FHIT: variants seen among roughly 807,000 people sequenced by gnomAD.
FHIT encodes fragile histidine triad diadenosine triphosphatase, also known as bis(5'-adenosyl)-triphosphatase.
In FHIT, 19 loss-of-function variants were observed where a neutral mutation model predicts 17.9. The ratio of observed to expected loss-of-function variants is 1.06; its 90% CI spans 0.74 to 1.56. The LOEUF (loss-of-function observed/expected upper bound fraction) is 1.56. Among genes scored for constraint, FHIT ranks in the 40% most tolerant of loss-of-function variants. FHIT has a pLI of 0.00. For synonymous variants in FHIT, 81 were observed against 69.7 expected (o/e 1.16, Z -0.81); for missense variants, 248 against 189.2 (o/e 1.31, Z -1.82).
chr3:60,493,084 G>C (rs2034135772), intron 5 of FHIT, among the ~76,000 whole-genome samples: 1 of 152,070 alleles, frequency 6.6e-6, no homozygotes, highest in African/African-American at 2.4e-5. Context: ...CAGAGAAAAT[G>C]GTTCTTACTT....
At chr3:60,133,931 A>G (rs1699702413) in intron 5 of FHIT, among the ~76,000 whole-genome samples, 1 of 151,984 alleles carries the variant, frequency 6.6e-6, no homozygotes, top group Non-Finnish European at 1.5e-5. Flanking sequence ...CATTCAATCT[A>G]AAATCAGACT....
intron 3 of FHIT, among the ~76,000 whole-genome samples, chr3:60,859,530 G>GTACA (rs1441405328): frequency 1.3e-5 from 2 of 151,802 alleles, no homozygotes; most frequent in Non-Finnish European, 2.9e-5. Flanking sequence ...CAGAAGTGAT[G>GTACA]TACACCCTTT....
intron 8 of FHIT, among the ~76,000 whole-genome samples, chr3:59,885,144 A>G (rs1703565957): frequency 6.6e-6 from 1 of 152,242 alleles, no homozygotes; most frequent in African/African-American, 2.4e-5. Flanking sequence ...AAGAAAGCTC[A>G]TCAGTTTGCT....
Position 60,297,568 on chromosome 3 carries a change from G to A in FHIT, c.103+239292C>T, listed in dbSNP as rs578057015. On this transcript the variant is annotated intron_variant, in intron 5 of 9. Transcript: ENST00000492590. Reference sequence around the variant, plus strand: ...TTTTCTAGGTATGACTTACAAGGAAGTCACCTGCAAAAAAAAGGCTAGTTT... The same window carrying A: ...TTTTCTAGGTATGACTTACAAGGAAATCACCTGCAAAAAAAAGGCTAGTTT... 2.2e-4 allele frequency among the ~76,000 whole-genome samples: 30 copies of A among 137,900 alleles called. No individual in the cohort carries two copies. In the East Asian group the frequency reaches 0.01, roughly 47 times the overall value. The allele number at this position is 137,900 out of a possible 152,430, so 90.5% of individuals were successfully genotyped here.
At chr3:59,994,120 A>G (rs1344148052) in intron 7 of FHIT, among the ~76,000 whole-genome samples, 2 of 152,092 alleles carry the variant, frequency 1.3e-5, no homozygotes, top group Non-Finnish European at 2.9e-5. Context: ...AGGAAGAAGC[A>G]GAGCAATATT....
At chr3:60,096,328 G>A (rs896948014) in intron 5 of FHIT, among the ~76,000 whole-genome samples, 1 of 152,184 alleles carries the variant, frequency 6.6e-6, no homozygotes, top group African/African-American at 2.4e-5. Context: ...CAATTTGTCT[G>A]AGTCTGGGGC....
intron 4 of FHIT, among the ~76,000 whole-genome samples, chr3:60,663,701 G>A (rs1553691750): frequency 6.6e-6 from 1 of 152,092 alleles, no homozygotes; most frequent in East Asian, 1.9e-4. Context: ...TTACAGGCAT[G>A]AGCCACTGCA....
chr3:60,352,706 T>A lies in FHIT; in HGVS notation c.103+184154A>T, dbSNP rs564688983. ...TTTATTCATACTTTTAGAGGAAGGG[T>A]CTTGCTATGTTGCCTAGGCTGATCT... On this transcript the variant is annotated intron_variant, in intron 5 of 9. Transcript: ENST00000492590. 5.9e-5 allele frequency among the ~76,000 whole-genome samples: 9 copies of A among 152,148 alleles called. No individual in the cohort carries two copies. The South Asian group carries it at 1.7e-3, about 28-fold the overall frequency.
intron 7 of FHIT, among the ~76,000 whole-genome samples, chr3:59,961,836 T>C (rs1168643504): frequency 6.6e-6 from 1 of 152,218 alleles, no homozygotes; most frequent in African/African-American, 2.4e-5. Flanking sequence ...CTGGAAGCTG[T>C]AGCCCAGAGC....
intron 4 of FHIT, among the ~76,000 whole-genome samples, chr3:60,712,502 ACC>A (rs1303203885): frequency 6.6e-6 from 1 of 151,648 alleles, no homozygotes; most frequent in Non-Finnish European, 1.5e-5. Flanking sequence ...AAGAGTCAAG[ACC>A]CATCAGTGTG....
At chr3:60,491,120 A>G (rs1273489441) in intron 5 of FHIT, among the ~76,000 whole-genome samples, 1 of 152,182 alleles carries the variant, frequency 6.6e-6, no homozygotes, top group Admixed American at 6.5e-5. Flanking sequence ...AACAGGTTAA[A>G]AGACCTATTA....
chr3:60,358,302 A>G (rs6804813), intron 5 of FHIT, among the ~76,000 whole-genome samples: 2,108 of 152,266 alleles, frequency 0.014, 57 homozygotes, highest in African/African-American at 0.048. Flanking sequence ...TTTTGATACT[A>G]GAGATGTATT....
chr3:61,062,045 A>G (rs9311791), intron 2 of FHIT, among the ~76,000 whole-genome samples: 83,400 of 151,960 alleles, frequency 0.55, 24,023 homozygotes, highest in Non-Finnish European at 0.65. Flanking sequence ...ATGTATAGAC[A>G]TATAATACTA....
At chr3:60,728,349 G>A (rs1202877549) in intron 4 of FHIT, among the ~76,000 whole-genome samples, 4 of 152,038 alleles carry the variant, frequency 2.6e-5, no homozygotes, top group Admixed American at 2.6e-4. Context: ...TTCTTTTAAT[G>A]CTCATTAATC....
chr3:60,154,928 G>A (rs1200245423), intron 5 of FHIT, among the ~76,000 whole-genome samples: 1 of 152,098 alleles, frequency 6.6e-6, no homozygotes, highest in African/African-American at 2.4e-5. Flanking sequence ...AGGCACGATG[G>A]CTCACATACA....
intron 7 of FHIT, among the ~76,000 whole-genome samples, chr3:59,971,415 G>A (rs1345630797): frequency 3.9e-5 from 6 of 152,092 alleles, no homozygotes; most frequent in Non-Finnish European, 5.9e-5. Context: ...GAATTGCTAT[G>A]TCTGAAGGGT....
chr3:60,529,981 T>TA (rs2035715117), intron 5 of FHIT, among the ~76,000 whole-genome samples: 1 of 152,130 alleles, frequency 6.6e-6, no homozygotes, highest in Non-Finnish European at 1.5e-5. Flanking sequence ...CTACAGCCTT[T>TA]ATGCAATTCT....
intron 5 of FHIT, among the ~76,000 whole-genome samples, chr3:60,130,973 A>G (rs867146827): frequency 2.4e-5 from 3 of 122,988 alleles, no homozygotes; most frequent in African/African-American, 5.5e-5. Flanking sequence ...GTAGAAAGGT[A>G]TATATATACA....
chr3:59,959,782 G>C (rs538126514), intron 7 of FHIT, among the ~76,000 whole-genome samples: 8 of 152,298 alleles, frequency 5.3e-5, no homozygotes, highest in African/African-American at 1.7e-4. Flanking sequence ...ATACTTGAAA[G>C]GAAAGTAATG....
Sources: gnomAD v4.1 joint callset for allele counts (sites outside exome capture counted in the v4.1 genomes callset) on GRCh38, gnomAD v4.1.1 for gene constraint, MANE v1.5 for transcripts, NCBI Gene and HGNC (gene_info 2026-07-23, HGNC 2026-07-21) for gene names.